Variants in PLA2R1 observed in about 807,000 individuals in gnomAD.
The protein encoded by PLA2R1 is phospholipase A2 receptor 1, also known as secretory phospholipase A2 receptor.
In PLA2R1, 158 loss-of-function variants were observed where a neutral mutation model predicts 195.9. The observed-to-expected ratio is 0.81, with a 90% CI of 0.71 to 0.92. The LOEUF is 0.92. Among genes scored for constraint, PLA2R1 ranks in the 40% least tolerant of loss-of-function variants. PLA2R1 has a pLI of 0.00. For synonymous variants in PLA2R1, 586 were observed against 598.2 expected, an observed-to-expected ratio of 0.98 and a Z score of 0.30; for missense variants, 1,626 against 1,764.6, an observed-to-expected ratio of 0.92 and a Z score of 1.41.
At position 159,994,467 on chromosome 2, in the gene PLA2R1, C is replaced by T. The variant is rs369866211; in HGVS notation, c.1835-7109G>A. Among the ~76,000 whole-genome samples, 8 of 151,994 alleles carry T rather than the reference C, an allele frequency of 5.3e-5. No individual in the cohort carries two copies. The East Asian group carries it at 1.5e-3, about 29-fold the overall frequency. ...AAATACATTATGTAATATTTATGAG[C>T]CATTTAGAAATTTGAGCATTAACTG... is the stretch of plus-strand genomic sequence containing the variant. On this transcript the variant is annotated intron_variant, in intron 11 of 29. Coordinates refer to ENST00000283243, the MANE Select transcript of PLA2R1 (RefSeq NM_007366.5).
At chr2:160,025,827 AAC>A (rs1490368717) in intron 6 of PLA2R1, among the ~76,000 whole-genome samples, 1 of 152,240 alleles carries the variant, frequency 6.6e-6, no homozygotes, top group African/African-American at 2.4e-5. Context: ...ATCTAATCAA[AAC>A]ACAGAATGGC....
chr2:159,946,159 T>C, intron 27 of PLA2R1: 1 of 782,134 alleles, frequency 1.3e-6, no homozygotes, highest in Non-Finnish European at 1.6e-6. Context: ...TACAGCTAAC[T>C]AAAAGTTGGT....
chr2:159,945,182 T>TTTTTTA (rs745893181), intron 27 of PLA2R1, 100 bp from the exon 28 acceptor site: 5 of 586,710 alleles, frequency 8.5e-6, no homozygotes, highest in Non-Finnish European at 1.3e-5. Context: ...ATTTTTTTAT[T>TTTTTTA]TTTTTATTTT....
chr2:160,025,736 A>C (rs1408918778), intron 6 of PLA2R1, among the ~76,000 whole-genome samples: 1 of 152,096 alleles, frequency 6.6e-6, no homozygotes, highest in Non-Finnish European at 1.5e-5. Flanking sequence ...TCTATAAAAC[A>C]AGCAGAAAAC....
intron 12 of PLA2R1, among the ~76,000 whole-genome samples, chr2:159,985,514 T>G (rs1690263413): frequency 6.6e-6 from 1 of 152,160 alleles, no homozygotes. Flanking sequence ...AAATGTAGGA[T>G]CTAAAGCTGA....
intron 11 of PLA2R1, among the ~76,000 whole-genome samples, chr2:160,003,084 T>C (rs937513839): frequency 2.6e-5 from 4 of 152,056 alleles, no homozygotes; most frequent in Non-Finnish European, 5.9e-5. Flanking sequence ...ATGTTTATTA[T>C]GGTATTTCGA....
chr2:160,006,571 T>C (rs1020819889), intron 10 of PLA2R1, among the ~76,000 whole-genome samples: 1 of 150,718 alleles, frequency 6.6e-6, no homozygotes, highest in Non-Finnish European at 1.5e-5. Flanking sequence ...CTCACATACA[T>C]GCTTCCACAT....
rs949590064 is a variant in PLA2R1 at position 159,937,119 on chromosome 2, C to T, written c.*4659G>A. ...TTTTAAAGCATAGAAGTGGAAACAC[C>T]CTACTTGCAAAGTGATTTGTTACCC... is the stretch of plus-strand genomic sequence containing the variant. On this transcript the variant is annotated 3_prime_UTR_variant, in exon 30 of 30. Transcript: ENST00000283243. 1 of 151,854 alleles carries T rather than the reference C, an allele frequency of 6.6e-6. No individual in the cohort carries two copies. Among genetic ancestry groups the T allele is most frequent in the African/African-American group, 2.4e-5 (1 of 41,318 alleles). The allele number at this position is 151,854 out of a possible 1,614,324, so 9.4% of individuals were successfully genotyped here. A position where few individuals can be genotyped will look rare whatever the true frequency, so the allele number is the denominator to read the frequency against.
chr2:160,021,665 G>T (rs1022332503), intron 7 of PLA2R1, among the ~76,000 whole-genome samples: 2 of 152,214 alleles, frequency 1.3e-5, no homozygotes, highest in Non-Finnish European at 2.9e-5. Flanking sequence ...AAAATCACCT[G>T]TTGGGTACAA....
chr2:159,944,944 C>A lies in PLA2R1; in HGVS notation c.4106G>T (p.Cys1369Phe). 6.2e-7 allele frequency: 1 copy of A among 1,612,480 alleles called. No homozygotes were observed. The change falls in exon 28 of 30, where the codon TGT (cysteine) becomes TTT (phenylalanine). Residue 1369 changes from cysteine (C) to phenylalanine (F), a missense_variant. By Grantham distance (205) the Cys-to-Phe change is radical. Coordinates refer to ENST00000283243, the MANE Select transcript of PLA2R1 (RefSeq NM_007366.5). ...IPEGLWQLSP[C>F]QEKKGFICKM... Reference sequence around the variant, plus strand: ...ACATATAAAGCCTTTTTTTTCTTGACACGGGGATAGCTGCCATAATCCTTC... The same window carrying A: ...ACATATAAAGCCTTTTTTTTCTTGAAACGGGGATAGCTGCCATAATCCTTC...
intron 23 of PLA2R1, among the ~76,000 whole-genome samples, chr2:159,954,642 T>C (rs891310420): frequency 1.3e-5 from 2 of 152,062 alleles, no homozygotes; most frequent in African/African-American, 4.8e-5. Context: ...TGAGCTGTTG[T>C]TGTTTTTATT....
At chr2:159,976,908 CTAAT>C (rs1689600684) in intron 15 of PLA2R1, among the ~76,000 whole-genome samples, 188 bp from the exon 16 acceptor site, 3 of 152,180 alleles carry the variant, frequency 2.0e-5, no homozygotes, top group Non-Finnish European at 4.4e-5. Flanking sequence ...AGAGAGGCTT[CTAAT>C]TAAAGAAGGA....
rs370664590 is a variant in PLA2R1, at chr2:160,028,488, G to A, written c.956-127C>T. On this transcript the variant is annotated intron_variant, in intron 5 of 29. Transcript: ENST00000283243. ...TCATATATAGTAAATCCTATAAGAT[G>A]TTATCTATGATTTTGCAGTTACAGT... 5.8e-4 allele frequency: 406 copies of A among 704,534 alleles called. 4 individuals are homozygous for A. The East Asian group carries it at 8.9e-3, about 15-fold the overall frequency. The allele number at this position is 704,534 out of a possible 1,614,324, so 43.6% of individuals were successfully genotyped here. A position where few individuals can be genotyped will look rare whatever the true frequency, so the allele number is the denominator to read the frequency against.
chr2:160,002,680 C>T (rs1691684033), intron 11 of PLA2R1, among the ~76,000 whole-genome samples: 1 of 151,978 alleles, frequency 6.6e-6, no homozygotes, highest in African/African-American at 2.4e-5. Context: ...TCATCAAAAT[C>T]TACAGGATAT....
At chr2:160,044,472 C>T (rs939938170) in intron 2 of PLA2R1, among the ~76,000 whole-genome samples, 2 of 152,164 alleles carry the variant, frequency 1.3e-5, no homozygotes, top group African/African-American at 2.4e-5. Context: ...TTCTCTCTCC[C>T]TCCTGTCTGC....
At chr2:160,053,352 G>C (rs1016599253) in intron 1 of PLA2R1, among the ~76,000 whole-genome samples, 4 of 150,540 alleles carry the variant, frequency 2.7e-5, no homozygotes, top group East Asian at 2.0e-4. Flanking sequence ...ATTTGGTGGG[G>C]GGGGGGGGAA....
At chr2:159,983,165 T>C (rs569606765) in intron 13 of PLA2R1, among the ~76,000 whole-genome samples, 2 of 152,306 alleles carry the variant, frequency 1.3e-5, no homozygotes, top group South Asian at 2.1e-4. Flanking sequence ...TTCTGGCTTA[T>C]TAGAAAACTA....
At chr2:160,061,386 T>C (rs1695939372) in intron 1 of PLA2R1, among the ~76,000 whole-genome samples, 1 of 152,180 alleles carries the variant, frequency 6.6e-6, no homozygotes, top group South Asian at 2.1e-4. Context: ...GTTTGCTGAA[T>C]TGAACCCCGT....
In PLA2R1 at chr2:159,933,007, T is replaced by G. The variant is rs1322150552; in HGVS notation, c.*8771A>C. On this transcript the variant is annotated 3_prime_UTR_variant, in exon 30 of 30. Coordinates refer to ENST00000283243, the MANE Select transcript of PLA2R1 (RefSeq NM_007366.5). ...AGCATAGATCATGATGTCTTTTTTT[T>G]TTTTTGAAGAAAAAAGATGGTATTG... The G allele has an allele frequency of 6.6e-6, 1 of 152,030 alleles. No individual in the cohort carries two copies. The highest frequency in any genetic ancestry group is 1.5e-5 in the Non-Finnish European group (1 of 67,978). The allele number at this position is 152,030 out of a possible 1,614,324, so 9.4% of individuals were successfully genotyped here. A position where few individuals can be genotyped will look rare whatever the true frequency, so the allele number is the denominator to read the frequency against.
Sources: gnomAD v4.1 joint callset for allele counts (sites outside exome capture counted in the v4.1 genomes callset) on GRCh38, gnomAD v4.1.1 for gene constraint, MANE v1.5 for transcripts, NCBI Gene and HGNC (gene_info 2026-07-23, HGNC 2026-07-21) for gene names.